Variants in CAMKMT observed in about 807,000 individuals in gnomAD.
The protein encoded by CAMKMT is calmodulin-lysine N-methyltransferase.
A neutral mutation model predicts 48.0 loss-of-function variants in CAMKMT; 53 were observed. The ratio of observed to expected loss-of-function variants is 1.10; its 90% CI spans 0.89 to 1.39. CAMKMT has a LOEUF of 1.39. CAMKMT is among the 40% of genes most tolerant of loss of function. The pLI, the probability that CAMKMT is intolerant of heterozygous loss-of-function variation, is 0.00. For missense variants in CAMKMT, 428 were observed against 402.7 expected, an observed-to-expected ratio of 1.06 and a Z score of -0.54; for synonymous variants, 165 against 152.3, an observed-to-expected ratio of 1.08 and a Z score of -0.61.
intron 3 of CAMKMT, among the ~76,000 whole-genome samples, chr2:44,552,712 G>A (rs956290768): frequency 4.6e-5 from 7 of 152,174 alleles, no homozygotes; most frequent in South Asian, 2.1e-4. Context: ...GAGATACAGA[G>A]AGGCTTAAGT....
chr2:44,597,160 G>A (rs1306124268), intron 3 of CAMKMT, among the ~76,000 whole-genome samples: 2 of 152,172 alleles, frequency 1.3e-5, no homozygotes, highest in Admixed American at 6.5e-5. Context: ...GTGCATGATG[G>A]TTGTTGGGTT....
At chr2:44,737,828 C>G (rs766880425) in intron 7 of CAMKMT, among the ~76,000 whole-genome samples, 3 of 150,862 alleles carry the variant, frequency 2.0e-5, no homozygotes, top group Non-Finnish European at 3.0e-5. Flanking sequence ...TCTGAAGTTT[C>G]TTAGACTCTC....
intron 3 of CAMKMT, among the ~76,000 whole-genome samples, chr2:44,398,157 G>A (rs1682029254): frequency 6.6e-6 from 1 of 152,148 alleles, no homozygotes; most frequent in Non-Finnish European, 1.5e-5. Flanking sequence ...TCTTTACAAG[G>A]GGTGAGGAAA....
chr2:44,383,847 T>TAC (rs1255301712), intron 2 of CAMKMT, among the ~76,000 whole-genome samples: 8 of 152,172 alleles, frequency 5.3e-5, no homozygotes, highest in Non-Finnish European at 1.0e-4. Context: ...TATATATATA[T>TAC]ACCACAGTTT....
At chr2:44,513,209 C>G (rs1670655576) in intron 3 of CAMKMT, among the ~76,000 whole-genome samples, 1 of 152,094 alleles carries the variant, frequency 6.6e-6, no homozygotes, top group South Asian at 2.1e-4. Flanking sequence ...ACCCCACTGA[C>G]AGGCCCCTTC....
intron 8 of CAMKMT, among the ~76,000 whole-genome samples, chr2:44,751,738 G>T (rs534808022): frequency 6.6e-6 from 1 of 152,238 alleles, no homozygotes; most frequent in African/African-American, 2.4e-5. Flanking sequence ...TGCTACAAAG[G>T]TACACCTGAA....
chr2:44,608,659 C>G (rs1671434705), intron 3 of CAMKMT, among the ~76,000 whole-genome samples: 1 of 152,136 alleles, frequency 6.6e-6, no homozygotes, highest in Non-Finnish European at 1.5e-5. Flanking sequence ...ATCTCTCTCT[C>G]TTTCTCTTTT....
chr2:44,734,308 C>T (rs1285106584), intron 7 of CAMKMT, among the ~76,000 whole-genome samples: 5 of 152,014 alleles, frequency 3.3e-5, no homozygotes, highest in African/African-American at 1.2e-4. Flanking sequence ...ATTCTTTGGA[C>T]CCCAGGTTAT....
chr2:44,675,068 ACCAAC>A (rs1300955378), intron 3 of CAMKMT, among the ~76,000 whole-genome samples: 1 of 147,738 alleles, frequency 6.8e-6, no homozygotes, highest in Non-Finnish European at 1.5e-5. Flanking sequence ...CTCGGGATTT[ACCAAC>A]CTTAAGGGGG....
intron 3 of CAMKMT, among the ~76,000 whole-genome samples, chr2:44,592,620 A>G (rs1375106939): frequency 1.3e-5 from 2 of 152,182 alleles, no homozygotes; most frequent in East Asian, 1.9e-4. Flanking sequence ...TTAATCTCTT[A>G]TACTATGCCT....
chr2:44,565,904 G>A (rs1214675330), intron 3 of CAMKMT, among the ~76,000 whole-genome samples: 4 of 152,158 alleles, frequency 2.6e-5, no homozygotes, highest in Admixed American at 2.6e-4. Flanking sequence ...TCACACAGAT[G>A]TCACTTGCCC....
chr2:44,753,167 C>G (rs1329178837), intron 8 of CAMKMT, among the ~76,000 whole-genome samples: 1 of 146,122 alleles, frequency 6.8e-6, no homozygotes, highest in South Asian at 2.1e-4. Flanking sequence ...AATCCCAGCA[C>G]TTTGGGAGGT....
chr2:44,612,998 A>T (rs151052721), intron 3 of CAMKMT, among the ~76,000 whole-genome samples: 58 of 152,326 alleles, frequency 3.8e-4, no homozygotes, highest in African/African-American at 1.4e-3. Context: ...ATTGTCTGGC[A>T]ATATGGGTAA....
chr2:44,478,887 G>A (rs1416690975), intron 3 of CAMKMT, among the ~76,000 whole-genome samples: 4 of 152,048 alleles, frequency 2.6e-5, no homozygotes, highest in African/African-American at 9.7e-5. Flanking sequence ...TTTTAGTAGA[G>A]ACGGGGTTTC....
chr2:44,451,100 TAAATA>T (rs1044818545), intron 3 of CAMKMT, among the ~76,000 whole-genome samples: 2 of 152,110 alleles, frequency 1.3e-5, no homozygotes, highest in African/African-American at 2.4e-5. Flanking sequence ...ATTTCCCATG[TAAATA>T]AAATAAGTGA....
At chr2:44,619,570 A>G (rs537547717) in intron 3 of CAMKMT, among the ~76,000 whole-genome samples, 5 of 152,196 alleles carry the variant, frequency 3.3e-5, no homozygotes, top group Non-Finnish European at 5.9e-5. Flanking sequence ...TGCTGGTGCT[A>G]TCACTTGGCA....
chr2:44,654,977 C>T (rs1015284997), intron 3 of CAMKMT, among the ~76,000 whole-genome samples: 1 of 152,056 alleles, frequency 6.6e-6, no homozygotes, highest in African/African-American at 2.4e-5. Context: ...AGGTTATTTT[C>T]CATTTTTTTG....
chr2:44,576,793 T>G (rs1179438815), intron 3 of CAMKMT, among the ~76,000 whole-genome samples: 1 of 152,236 alleles, frequency 6.6e-6, no homozygotes, highest in African/African-American at 2.4e-5. Context: ...TAGCCTCACT[T>G]GCACAGTTTT....
intron 3 of CAMKMT, among the ~76,000 whole-genome samples, chr2:44,591,967 A>G (rs947068441): frequency 1.3e-5 from 2 of 152,034 alleles, no homozygotes; most frequent in Non-Finnish European, 2.9e-5. Flanking sequence ...ACAAGAACAA[A>G]AAACCAAACA....
Sources: allele counts gnomAD v4.1 joint callset (sites outside exome capture counted in the v4.1 genomes callset), GRCh38; gene constraint gnomAD v4.1.1; transcripts MANE v1.5; gene names NCBI Gene and HGNC (gene_info 2026-07-23, HGNC 2026-07-21).